ABCA10: variants seen among roughly 807,000 people sequenced by gnomAD.
ABCA10 encodes ATP-binding cassette sub-family A member 10.
Under a neutral mutation model 187.5 loss-of-function variants are expected in ABCA10, and 169 were observed. That is an observed-to-expected ratio of 0.90 (90% CI 0.80 to 1.02). The LOEUF is 1.02. Among genes scored for constraint, ABCA10 ranks in the 50% least tolerant of loss-of-function variants. The probability of loss-of-function intolerance (pLI) is 0.00; values close to 1 mark genes in which losing one functional copy is unlikely to be tolerated. For synonymous variants in ABCA10, 574 were observed against 601.8 expected (o/e 0.95, Z 0.68); for missense variants, 1,727 against 1,812.4 (o/e 0.95, Z 0.86).
intron 6 of ABCA10, 64 bp downstream of exon 6, chr17:69,219,481 A>G (rs1036170152): frequency 8.0e-7 from 1 of 1,245,098 alleles, no homozygotes; most frequent in African/African-American, 1.5e-5. Flanking sequence ...CAATTTTTTA[A>G]GAACCTAGTT....
chr17:69,157,919 AT>A (rs1195864280), intron 27 of ABCA10, among the ~76,000 whole-genome samples: 1 of 151,958 alleles, frequency 6.6e-6, no homozygotes, highest in Admixed American at 6.6e-5. Context: ...GGAGGGGGGG[AT>A]TTCTTAAACA....
At chr17:69,209,642 G>A (rs908402886) in intron 9 of ABCA10, among the ~76,000 whole-genome samples, 3 of 152,324 alleles carry the variant, frequency 2.0e-5, no homozygotes, top group African/African-American at 4.8e-5. Flanking sequence ...GAAATTATGT[G>A]TGAGGAAAAC....
intron 9 of ABCA10, among the ~76,000 whole-genome samples, chr17:69,211,305 CATATATATGATATATATAT>C (rs1351399942): frequency 6.6e-3 from 64 of 9,740 alleles, no homozygotes; most frequent in African/African-American, 0.016. Context: ...ATATATACAT[CATATATATGATATATATAT>C]ATATATATAT....
chr17:69,204,670 A>C (rs966253284), intron 9 of ABCA10, among the ~76,000 whole-genome samples: 2 of 152,242 alleles, frequency 1.3e-5, no homozygotes, highest in Non-Finnish European at 2.9e-5. Context: ...ATAGGCTTCA[A>C]TAAGCAGTTA....
chr17:69,230,986 A>C (rs186985369), upstream of ABCA10, among the ~76,000 whole-genome samples: 33 of 152,262 alleles, frequency 2.2e-4, no homozygotes, highest in Admixed American at 1.8e-3. Flanking sequence ...AATATCTTAT[A>C]AACTAGCTCA....
In ABCA10 at chr17:69,238,946, T is replaced by C. The variant is rs748035191; in HGVS notation, c.-593+5583A>G. On this transcript the variant is annotated intron_variant, in intron 1 of 39. Transcript: ENST00000269081. ...ATTCATTTGGCCCCTACAGATGCAA[T>C]GTTCTATTAAATATCTCCATAACTG... Among the ~76,000 whole-genome samples the C allele has an allele frequency of 5.9e-5, 9 of 152,326 alleles. No homozygotes were observed. The South Asian group carries it at 6.2e-4, about 11-fold the overall frequency.
intron 21 of ABCA10, 53 bp downstream of exon 21, chr17:69,182,622 G>C: frequency 6.6e-7 from 1 of 1,507,186 alleles, no homozygotes; most frequent in South Asian, 1.4e-5. Context: ...TTAGGACGTG[G>C]CAAAAAAAAC....
Position 69,211,358 on chromosome 17 carries a change from T to C in ABCA10, c.1006+3346A>G, listed in dbSNP as rs199903926. 9.8e-3 allele frequency among the ~76,000 whole-genome samples: 256 copies of C among 26,066 alleles called. 6 individuals carry two copies. Among genetic ancestry groups the C allele is most frequent in the East Asian group, 0.072 (116 of 1,602 alleles). The allele number at this position is 26,066 out of a possible 152,430, so 17.1% of individuals were successfully genotyped here. ...ATATATATATATATATATATATATATATACACACACACCACATTTTCTTTA... is the reference window on the plus strand; with the variant it reads ...ATATATATATATATATATATATATACATACACACACACCACATTTTCTTTA... On this transcript the variant is annotated intron_variant, in intron 9 of 38. Coordinates refer to ENST00000690296, the MANE Select transcript of ABCA10 (RefSeq NM_001377321.1).
At chr17:69,208,160 G>A (rs1357661851) in intron 9 of ABCA10, among the ~76,000 whole-genome samples, 1 of 152,108 alleles carries the variant, frequency 6.6e-6, no homozygotes, top group Non-Finnish European at 1.5e-5. Flanking sequence ...GCTCACGCCT[G>A]TAATCCCAGC....
rs760530642 is a variant in ABCA10, at chr17:69,222,638, AT to A, written c.93del (p.Lys31AsnfsTer18). The A allele has an allele frequency of 1.9e-6, 3 of 1,600,898 alleles. No individual in the cohort carries two copies. The highest frequency in any genetic ancestry group is 3.6e-5 in the Admixed American group (2 of 55,746). On this transcript the variant is annotated frameshift_variant, in exon 4 of 39. Transcript: ENST00000690296. LOFTEE classifies it high-confidence loss of function. ...EETMDIELPKKYHEMVGVIFS... is the reference protein window; with the variant it reads ...EETMDIELPKXYHEMVGVIFS... ...AATATAACTCCCACCATTTCATGGT[AT>A]TTTTTTGGAAGTTCTATATCCATGG...
chr17:69,217,996 T>C (rs2074718935), intron 6 of ABCA10, among the ~76,000 whole-genome samples: 1 of 152,178 alleles, frequency 6.6e-6, no homozygotes, highest in Non-Finnish European at 1.5e-5. Context: ...TTGTATGGTT[T>C]TATATCAGGG....
chr17:69,241,355 C>T (rs933561130), intron 1 of ABCA10, among the ~76,000 whole-genome samples: 1 of 152,178 alleles, frequency 6.6e-6, no homozygotes. Context: ...AATGCAATGG[C>T]CTCCTAACAG....
At chr17:69,225,100 G>A (rs915909412) in intron 3 of ABCA10, among the ~76,000 whole-genome samples, 8 of 147,446 alleles carry the variant, frequency 5.4e-5, no homozygotes, top group Admixed American at 2.8e-4. Flanking sequence ...AAGGGCAAAC[G>A]GTATGCATAT....
At chr17:69,152,277 C>G in intron 35 of ABCA10, 85 bp downstream of exon 35, 1 of 1,575,402 alleles carries the variant, frequency 6.3e-7, no homozygotes, top group Non-Finnish European at 8.6e-7. Flanking sequence ...GGTTAGGGAG[C>G]TGTAGAGCAT....
At chr17:69,211,338 T>TCATATATATACATC (rs1355200807) in intron 9 of ABCA10, among the ~76,000 whole-genome samples, 3 of 114,144 alleles carry the variant, frequency 2.6e-5, no homozygotes, top group South Asian at 2.6e-4. Flanking sequence ...TATATATATA[T>TCATATATATACATC]ATATATATAT....
intron 18 of ABCA10, among the ~76,000 whole-genome samples, chr17:69,188,728 T>G (rs2074439742): frequency 6.6e-6 from 1 of 152,004 alleles, no homozygotes; most frequent in Non-Finnish European, 1.5e-5. Context: ...TGTTGTTCTC[T>G]TCTTTGTATT....
chr17:69,188,739 C>T (rs145871438), intron 18 of ABCA10, among the ~76,000 whole-genome samples: 26 of 151,854 alleles, frequency 1.7e-4, no homozygotes, highest in African/African-American at 5.8e-4. Context: ...TCTTTGTATT[C>T]GTGTGTATTC....
intron 9 of ABCA10, among the ~76,000 whole-genome samples, chr17:69,205,081 T>C (rs1025140890): frequency 1.3e-5 from 2 of 152,144 alleles, no homozygotes; most frequent in Non-Finnish European, 2.9e-5. Context: ...TGAGCTGAGA[T>C]TGTACCACTG....
At position 69,225,308 on chromosome 17, in the gene ABCA10, G is replaced by C; in HGVS notation, c.34+17C>G. The stretch of plus-strand genomic sequence containing the variant: ...TAAGTCACATAATACTGAAACATTG[G>C]TTATTGGACAACACACCTTTCATAA... On this transcript the variant is annotated intron_variant, in intron 3 of 38. Transcript: ENST00000690296. 6.2e-7 allele frequency: 1 copy of C among 1,612,284 alleles called. No individual in the cohort carries two copies. Among genetic ancestry groups the C allele is most frequent in the South Asian group, 1.1e-5 (1 of 90,990 alleles).
Sources: allele counts gnomAD v4.1 joint callset (sites outside exome capture counted in the v4.1 genomes callset), GRCh38; gene constraint gnomAD v4.1.1; transcripts MANE v1.5; gene names NCBI Gene and HGNC (gene_info 2026-07-23, HGNC 2026-07-21).